The following SNTG1 variants were observed in gnomAD, a reference collection of about 807,000 sequenced individuals.
SNTG1 encodes the protein syntrophin gamma 1.
Under a neutral mutation model 74.7 loss-of-function variants are expected in SNTG1, and 39 were observed. The ratio of observed to expected loss-of-function variants is 0.52; its 90% CI spans 0.40 to 0.68. SNTG1 has a LOEUF of 0.68. Among genes scored for constraint, SNTG1 ranks in the 30% least tolerant of loss-of-function variants. The pLI is 0.00. For synonymous variants in SNTG1, 254 were observed against 217.1 expected (o/e 1.17, Z -1.49); for missense variants, 685 against 609.5 (o/e 1.12, Z -1.30).
At chr8:50,422,362 A>C (rs1292978146) in intron 4 of SNTG1, among the ~76,000 whole-genome samples, 2 of 152,030 alleles carry the variant, frequency 1.3e-5, no homozygotes, top group Middle Eastern at 3.2e-3. Context: ...AAACATTATC[A>C]ACCAACCAGA....
chr8:50,176,548 G>T (rs1439377103), intron 2 of SNTG1, among the ~76,000 whole-genome samples: 1 of 152,122 alleles, frequency 6.6e-6, no homozygotes, highest in Non-Finnish European at 1.5e-5. Flanking sequence ...AAAGTCCTCA[G>T]CTAGGGCACT....
chr8:49,930,966 T>G (rs1807530566), intron 1 of SNTG1, among the ~76,000 whole-genome samples: 1 of 152,072 alleles, frequency 6.6e-6, no homozygotes, highest in Non-Finnish European at 1.5e-5. Context: ...ACACAACAAT[T>G]AAGAATGATC....
chr8:50,485,004 T>A (rs1386459649), intron 8 of SNTG1, among the ~76,000 whole-genome samples: 1 of 152,202 alleles, frequency 6.6e-6, no homozygotes, highest in African/African-American at 2.4e-5. Flanking sequence ...ATAAATATAC[T>A]CTCTGCCATT....
intron 1 of SNTG1, among the ~76,000 whole-genome samples, chr8:49,948,962 A>G (rs1809457879): frequency 6.6e-6 from 1 of 152,178 alleles, no homozygotes; most frequent in Non-Finnish European, 1.5e-5. Context: ...TAAGTGCTGC[A>G]GAGCTTCTGA....
At chr8:50,788,841 T>C (rs952647568) in intron 18 of SNTG1, among the ~76,000 whole-genome samples, 3 of 147,356 alleles carry the variant, frequency 2.0e-5, no homozygotes, top group Non-Finnish European at 4.4e-5. Flanking sequence ...CTGTGCCTCA[T>C]CTCCTGCGGC....
chr8:49,959,930 T>A (rs960856801), intron 1 of SNTG1, among the ~76,000 whole-genome samples: 1 of 152,220 alleles, frequency 6.6e-6, no homozygotes, highest in African/African-American at 2.4e-5. Flanking sequence ...TTAACCCTTA[T>A]GCTTTTGAGA....
rs1307283063 is a variant in SNTG1, at chr8:50,473,900, C to A, written c.363+23171C>A. Among the ~76,000 whole-genome samples, 4 of 151,914 alleles carry A rather than the reference C, an allele frequency of 2.6e-5. 1 individual carries two copies. Among genetic ancestry groups the A allele is most frequent in the African/African-American group, 9.7e-5 (4 of 41,370 alleles). On this transcript the variant is annotated intron_variant, in intron 8 of 18. Transcript: ENST00000642720. Reference sequence around the variant, plus strand: ...GAAGCAGAAAATAGAATAGTGTTTTCCAGAGCCTGGGGGAAGAAGGGAACA... The same window carrying A: ...GAAGCAGAAAATAGAATAGTGTTTTACAGAGCCTGGGGGAAGAAGGGAACA...
intron 1 of SNTG1, among the ~76,000 whole-genome samples, chr8:50,155,745 A>G (rs1402635460): frequency 6.6e-6 from 1 of 152,024 alleles, no homozygotes; most frequent in African/African-American, 2.4e-5. Flanking sequence ...CTTTCACTCT[A>G]TAGGGCCATC....
At chr8:50,605,705 G>A (rs2094807317) in intron 13 of SNTG1, among the ~76,000 whole-genome samples, 3 of 152,068 alleles carry the variant, frequency 2.0e-5, no homozygotes, top group Non-Finnish European at 4.4e-5. Flanking sequence ...GCCAGGTACT[G>A]TTATTGTTCA....
At chr8:50,032,115 A>G (rs1817787437) in intron 1 of SNTG1, among the ~76,000 whole-genome samples, 2 of 152,128 alleles carry the variant, frequency 1.3e-5, no homozygotes, top group South Asian at 4.1e-4. Context: ...TTTGATGGCT[A>G]TGGTGACTGT....
intron 1 of SNTG1, among the ~76,000 whole-genome samples, chr8:49,963,338 T>C (rs1810862468): frequency 6.6e-6 from 1 of 152,208 alleles, no homozygotes; most frequent in Non-Finnish European, 1.5e-5. Context: ...AAATGTCTTT[T>C]GGCACATTGC....
intron 1 of SNTG1, among the ~76,000 whole-genome samples, chr8:49,986,303 G>A (rs756673782): frequency 3.3e-5 from 5 of 152,110 alleles, no homozygotes; most frequent in Non-Finnish European, 5.9e-5. Flanking sequence ...CTGTTCTTCA[G>A]ATAATGAAGA....
At chr8:50,472,232 CA>C (rs1257559267) in intron 8 of SNTG1, among the ~76,000 whole-genome samples, 1 of 152,028 alleles carries the variant, frequency 6.6e-6, no homozygotes, top group East Asian at 1.9e-4. Flanking sequence ...CACCAAAGAG[CA>C]AAAGTTATAT....
intron 17 of SNTG1, among the ~76,000 whole-genome samples, chr8:50,728,954 A>G (rs2095506496): frequency 6.6e-6 from 1 of 152,106 alleles, no homozygotes; most frequent in Non-Finnish European, 1.5e-5. Context: ...TTTTCTCCTC[A>G]CTTATGTTTT....
At chr8:50,427,651 G>T (rs1175501689) in intron 4 of SNTG1, among the ~76,000 whole-genome samples, 2 of 152,068 alleles carry the variant, frequency 1.3e-5, no homozygotes, top group African/African-American at 2.4e-5. Context: ...GTTCTCAAAG[G>T]CTCAACCTCA....
intron 18 of SNTG1, among the ~76,000 whole-genome samples, chr8:50,769,621 A>G (rs1403649128): frequency 2.0e-5 from 3 of 152,044 alleles, no homozygotes; most frequent in Non-Finnish European, 4.4e-5. Flanking sequence ...TTGCACAATA[A>G]AGTAAGACTA....
At chr8:50,305,005 C>T (rs1417448295) in intron 2 of SNTG1, among the ~76,000 whole-genome samples, 3 of 152,020 alleles carry the variant, frequency 2.0e-5, no homozygotes, top group African/African-American at 7.2e-5. Flanking sequence ...CAGGTTCAAG[C>T]GATTCTCCTA....
intron 2 of SNTG1, among the ~76,000 whole-genome samples, chr8:50,264,891 G>A (rs539690738): frequency 3.9e-5 from 6 of 151,918 alleles, no homozygotes; most frequent in South Asian, 2.1e-4. Context: ...AGATAAAGTG[G>A]ACACATTACC....
At chr8:50,290,722 T>C (rs746903781) in intron 2 of SNTG1, among the ~76,000 whole-genome samples, 4 of 152,296 alleles carry the variant, frequency 2.6e-5, no homozygotes, top group Non-Finnish European at 4.4e-5. Context: ...TGTACTCATT[T>C]AAACATTTTT....
Sources: allele counts gnomAD v4.1 joint callset (sites outside exome capture counted in the v4.1 genomes callset), GRCh38; gene constraint gnomAD v4.1.1; transcripts MANE v1.5; gene names NCBI Gene and HGNC (gene_info 2026-07-23, HGNC 2026-07-21).